The following ZMYM3 variants were observed in gnomAD, a reference collection of about 807,000 sequenced individuals.
The protein encoded by ZMYM3 is zinc finger MYM-type containing 3, also known as zinc finger MYM-type protein 3.
In ZMYM3, 6 loss-of-function variants were observed where a neutral mutation model predicts 94.2. The ratio of observed to expected loss-of-function variants is 0.06; its 90% CI spans 0.03 to 0.13. The LOEUF (loss-of-function observed/expected upper bound fraction) is 0.13, where lower values mean the gene tolerates loss of function less well. Among genes scored for constraint, ZMYM3 ranks in the 10% least tolerant of loss-of-function variants. The pLI is 1.00. For missense variants in ZMYM3, 664 were observed against 1,132.6 expected, an observed-to-expected ratio of 0.59 and a Z score of 5.94; for synonymous variants, 420 against 426.5, an observed-to-expected ratio of 0.98 and a Z score of 0.19.
At chrX:71,246,295 G>C (rs965845664) in intron 15 of ZMYM3, 58 bp downstream of exon 15, 99 of 1,195,285 alleles carry the variant, frequency 8.3e-5, no homozygotes, top group Non-Finnish European at 1.1e-4. Context: ...ACGGACATAG[G>C]GCTGGCAGGC....
At chrX:71,250,841 C>G in intron 4 of ZMYM3, 115 bp from the exon 5 acceptor site, 3 of 766,864 alleles carry the variant, frequency 3.9e-6, no homozygotes, top group Non-Finnish European at 5.6e-6. Flanking sequence ...CCTTTACACC[C>G]TGGCCCTTGT....
chrX:71,248,393 C>G, intron 10 of ZMYM3, 45 bp downstream of exon 10: 1 of 1,197,230 alleles, frequency 8.4e-7, no homozygotes, highest in Non-Finnish European at 1.1e-6. Flanking sequence ...CCCCTTCAGA[C>G]AGTCTGGTCG....
chrX:71,248,015 T>C, intron 11 of ZMYM3, 109 bp from the exon 12 acceptor site: 1 of 1,094,164 alleles, frequency 9.1e-7, no homozygotes, highest in South Asian at 2.2e-5. Flanking sequence ...AGCAGCCCCT[T>C]GTGCCCAAAA....
intron 16 of ZMYM3, 63 bp from the exon 17 acceptor site, chrX:71,245,905 G>T: frequency 8.4e-7 from 1 of 1,188,194 alleles, no homozygotes; most frequent in South Asian, 1.8e-5. Flanking sequence ...GAAGTTGGGG[G>T]GACAGATGAT....
At chrX:71,249,901 T>C in intron 6 of ZMYM3, 125 bp downstream of exon 6, 11 of 1,045,611 alleles carry the variant, frequency 1.1e-5, no homozygotes, top group Non-Finnish European at 1.4e-5. Context: ...ATACGCTCCC[T>C]CATGATGGCC....
chrX:71,244,519 A>C (rs1369965066), intron 19 of ZMYM3, 49 bp from the exon 20 acceptor site: 1 of 1,179,977 alleles, frequency 8.5e-7, no homozygotes, highest in African/African-American at 1.8e-5. Flanking sequence ...GGCCAGAGGC[A>C]AGGTGAAAGC....
At chrX:71,251,637 C>G (rs374330048) in intron 2 of ZMYM3, 36 bp from the exon 3 acceptor site, 3 of 1,146,362 alleles carry the variant, frequency 2.6e-6, no homozygotes. Flanking sequence ...AAATGTTGAG[C>G]CTGCCCTCAC....
intron 2 of ZMYM3, among the ~76,000 whole-genome samples, 187 bp downstream of exon 2, chrX:71,252,399 CCTA>C (rs1198373713): frequency 1.9e-5 from 2 of 105,253 alleles, no homozygotes; most frequent in South Asian, 4.5e-4. Flanking sequence ...TGTGCCCACC[CCTA>C]CTTTCCTTAA....
rs765879520 is a variant in ZMYM3, at chrX:71,251,460, A to G, written c.711+98T>C. 3.7e-4 allele frequency: 395 copies of G among 1,065,924 alleles called. 5 individuals carry two copies. In the South Asian group the frequency reaches 8.3e-3, roughly 23 times the overall value. 87.8% of individuals were successfully genotyped at this position (1,065,924 alleles called of 1,213,427 possible). On this transcript the variant is annotated intron_variant, in intron 3 of 24. Coordinates refer to ENST00000314425, the MANE Select transcript of ZMYM3 (RefSeq NM_201599.3). ...TCCCTCCTCCTAACTCTCCTTACACACACTCTCTACAGAACAACATCTGGG... is the reference window on the plus strand; with the variant it reads ...TCCCTCCTCCTAACTCTCCTTACACGCACTCTCTACAGAACAACATCTGGG...
In ZMYM3 at chrX:71,243,343, C is replaced by T. The variant is rs775231442; in HGVS notation, c.3433-259G>A. ...TCCTTCTCAGGTAATACATGGTTGACTTCTCCCAGGGGGAACTAAACATTA... is the reference window on the plus strand; with the variant it reads ...TCCTTCTCAGGTAATACATGGTTGATTTCTCCCAGGGGGAACTAAACATTA... On this transcript the variant is annotated intron_variant, in intron 21 of 24. Transcript: ENST00000314425. 6.3e-5 allele frequency among the ~76,000 whole-genome samples: 7 copies of T among 111,283 alleles called. No homozygotes were observed. In the East Asian group the frequency reaches 1.7e-3, roughly 27 times the overall value.
In ZMYM3 at chrX:71,252,980, G is replaced by A; in HGVS notation, c.276C>T (p.Pro92=). 8.3e-7 allele frequency: 1 copy of A among 1,210,862 alleles called. No homozygotes were observed. Among genetic ancestry groups the A allele is most frequent in the Non-Finnish European group, 1.1e-6 (1 of 895,143 alleles). ...LGGLLYKAPS[P]PEVDHGPEGT... ...CCTCAGGACCGTGGTCCACCTCCGG[G>A]GGAGAGGGGGCTTTATAGAGCAGCC... is the stretch of plus-strand genomic sequence containing the variant. Residue 92 remains proline (P), a synonymous_variant, in exon 2 of 25, where the codon CCC becomes CCT. Transcript: ENST00000314425.
In ZMYM3 at chrX:71,253,102, G is replaced by C. The variant is rs1475819841; in HGVS notation, c.154C>G (p.Pro52Ala). 2 of 1,201,696 alleles carry C rather than the reference G, an allele frequency of 1.7e-6. No homozygotes were observed. The highest frequency in any genetic ancestry group is 3.0e-5 in the East Asian group (1 of 33,579). Reference protein sequence around the residue: ...TRGWAPPGPSPSSGALDLLDT... With the variant: ...TRGWAPPGPSASSGALDLLDT... ...AGCAGGTCCAGGGCTCCCGAGGATG[G>C]AGAAGGGCCAGGGGGGGCCCATCCT... Residue 52 changes from proline (P) to alanine (A), a missense_variant, in exon 2 of 25, where the codon CCA becomes GCA. Physicochemically the swap from Pro to Ala is conservative, Grantham distance 27. This residue lies in a region of ZMYM3 where 196 missense variants were observed against 190.8 expected (regional missense o/e 1.03). Coordinates refer to ENST00000314425, the MANE Select transcript of ZMYM3 (RefSeq NM_201599.3).
chrX:71,245,901 GGGGGGACAGATGATGAGTGAA>G (rs2030148245), intron 16 of ZMYM3, 59 bp from the exon 17 acceptor site: 7 of 1,190,804 alleles, frequency 5.9e-6, no homozygotes, highest in Non-Finnish European at 1.1e-6. Flanking sequence ...GGGGGAAGTT[GGGGGGACAGATGATGAGTGAA>G]GGGGGACAGT....
chrX:71,243,948 C>T lies in ZMYM3; in HGVS notation c.3313G>A (p.Ala1105Thr). The T allele has an allele frequency of 8.3e-7, 1 of 1,211,399 alleles. No individual in the cohort carries two copies. The highest frequency in any genetic ancestry group is 1.1e-6 in the Non-Finnish European group (1 of 895,481). Residue 1105 changes from alanine to threonine, a missense_variant, in exon 21 of 25, where the codon GCC becomes ACC. Transcript: ENST00000314425. ...TAGTTGAGCTCAGCAGCTGAGCAGG[C>T]GAGAATATCCTCTTTGATACGCATG... ...KPMRIKEDILACSAAELNYGL... is the reference protein window; with the variant it reads ...KPMRIKEDILTCSAAELNYGL...
At chrX:71,251,887 A>G (rs747500172) in intron 2 of ZMYM3, 1 of 747,991 alleles carries the variant, frequency 1.3e-6, no homozygotes, top group South Asian at 6.9e-5. Context: ...TATACCTTTC[A>G]TTAAGAATTT....
rs181662587 is a variant in ZMYM3 at position 71,247,705 on chromosome X, C to T, written c.2148+29G>A. 138 of 1,195,403 alleles carry T rather than the reference C, an allele frequency of 1.2e-4. No individual in the cohort carries two copies. In the South Asian group the frequency reaches 2.3e-3, roughly 20 times the overall value. ...CCGTGCTCCCCACTGCCCTCTTTCC[C>T]GCCTCGCTCGCATGCTGACCCTCCT... On this transcript the variant is annotated intron_variant, in intron 12 of 24. Coordinates refer to ENST00000314425, the MANE Select transcript of ZMYM3 (RefSeq NM_201599.3).
chrX:71,251,064 C>G (rs1006260529), intron 4 of ZMYM3, 114 bp downstream of exon 4: 3 of 792,878 alleles, frequency 3.8e-6, no homozygotes, highest in East Asian at 6.4e-5. Context: ...GCACTTCATG[C>G]GCTTCATGGA....
intron 7 of ZMYM3, 133 bp downstream of exon 7, chrX:71,249,328 T>C: frequency 1.8e-6 from 2 of 1,133,347 alleles, no homozygotes; most frequent in Non-Finnish European, 2.3e-6. Flanking sequence ...AAATAAAACA[T>C]AACGGATACA....
chrX:71,246,479 G>GGGGGGA lies in ZMYM3; in HGVS notation c.2445_2446insTCCCCC (p.Ala815_Pro816insSerPro). 4 of 333,473 alleles carry GGGGGGA rather than the reference G, an allele frequency of 1.2e-5. No homozygotes were observed. Among genetic ancestry groups the GGGGGGA allele is most frequent in the Non-Finnish European group, 1.1e-5 (2 of 178,505 alleles). The allele number at this position is 333,473 out of a possible 1,213,427, so 27.5% of individuals were successfully genotyped here. ...GGGGGTGGTGGGGGTGGAGGGGTGG[G>GGGGGGA]AGCAGTGGGAGCTGATCGGGTCTTC... is the stretch of plus-strand genomic sequence containing the variant. On this transcript the variant is annotated inframe_insertion, in exon 15 of 25. Transcript: ENST00000314425.
Sources: allele counts gnomAD v4.1 joint callset (sites outside exome capture counted in the v4.1 genomes callset), GRCh38; gene constraint gnomAD v4.1.1; regional missense constraint gnomAD v4.1.1; transcripts MANE v1.5; gene names NCBI Gene and HGNC (gene_info 2026-07-23, HGNC 2026-07-21).